Variants in TRPM3 observed in about 807,000 individuals in gnomAD.
The protein encoded by TRPM3 is long transient receptor potential channel 3.
Under a neutral mutation model 181.2 loss-of-function variants are expected in TRPM3, and 77 were observed. That is an observed-to-expected ratio of 0.42 (90% CI 0.35 to 0.51). The LOEUF (loss-of-function observed/expected upper bound fraction) is 0.51. Ranked by LOEUF, TRPM3 falls within the 20% of genes least tolerant of loss-of-function variation. The pLI, the probability that TRPM3 is intolerant of heterozygous loss-of-function variation, is 0.01. For missense variants in TRPM3, 1,759 were observed against 2,196.7 expected (o/e 0.80, Z 3.98); for synonymous variants, 745 against 796.4 (o/e 0.94, Z 1.09).
At position 70,833,892 on chromosome 9, in the gene TRPM3, G is replaced by A. The variant is rs78542297; in HGVS notation, c.802-5874C>T. Among the ~76,000 whole-genome samples the A allele has an allele frequency of 9.9e-3, 1,508 of 152,194 alleles. 32 individuals are homozygous for A. The highest frequency in any genetic ancestry group is 0.035 in the African/African-American group (1,438 of 41,514). ...AGTGGGGGGATTCTCTTAGGATCAC[G>A]CATCTGTTTCTGGGAGGGAAGATGG... On this transcript the variant is annotated intron_variant, in intron 5 of 25. Transcript: ENST00000677713.
intron 6 of TRPM3, among the ~76,000 whole-genome samples, chr9:70,785,667 T>C (rs891660180): frequency 2.0e-5 from 3 of 152,206 alleles, no homozygotes; most frequent in African/African-American, 7.2e-5. Context: ...TAGGATTTGG[T>C]TTCTTGCTCG....
At chr9:70,956,961 C>CTTT (rs747544684) in intron 1 of TRPM3, among the ~76,000 whole-genome samples, 19,656 of 136,790 alleles carry the variant, frequency 0.14, 1,567 homozygotes, top group East Asian at 0.25. Context: ...TTCTTTCTTT[C>CTTT]TTTTTTTTTT....
intron 1 of TRPM3, among the ~76,000 whole-genome samples, chr9:71,224,508 T>G (rs982441065): frequency 3.9e-5 from 6 of 152,158 alleles, no homozygotes; most frequent in Admixed American, 2.0e-4. Context: ...TGAACATCCA[T>G]AAGCATTAAA....
At chr9:71,178,118 C>T (rs1333925055) in intron 1 of TRPM3, among the ~76,000 whole-genome samples, 1 of 151,832 alleles carries the variant, frequency 6.6e-6, no homozygotes, top group Non-Finnish European at 1.5e-5. Flanking sequence ...TATAATAAAC[C>T]TATAAACCGT....
At chr9:70,667,556 A>G (rs1245675724) in intron 9 of TRPM3, among the ~76,000 whole-genome samples, 1 of 152,168 alleles carries the variant, frequency 6.6e-6, no homozygotes, top group Non-Finnish European at 1.5e-5. Flanking sequence ...TACTCTCACT[A>G]GAGAATAAAT....
intron 1 of TRPM3, among the ~76,000 whole-genome samples, chr9:71,386,550 T>A: frequency 6.6e-6 from 1 of 152,142 alleles, no homozygotes; most frequent in East Asian, 1.9e-4. Flanking sequence ...GGCTCTGAAC[T>A]GTCTGTGCAA....
chr9:71,211,414 T>A (rs2079498491), intron 1 of TRPM3, among the ~76,000 whole-genome samples: 1 of 151,950 alleles, frequency 6.6e-6, no homozygotes, highest in South Asian at 2.1e-4. Context: ...GGTCCTGTAC[T>A]AAAGACAGTA....
At chr9:71,131,094 T>C (rs935439748) in intron 1 of TRPM3, among the ~76,000 whole-genome samples, 5 of 152,230 alleles carry the variant, frequency 3.3e-5, no homozygotes, top group Non-Finnish European at 5.9e-5. Context: ...TTTGATAATG[T>C]GACAAATTTG....
At chr9:71,077,830 T>C (rs368751347) in intron 1 of TRPM3, among the ~76,000 whole-genome samples, 6 of 152,224 alleles carry the variant, frequency 3.9e-5, no homozygotes, top group African/African-American at 1.4e-4. Flanking sequence ...GTTGCTAGAT[T>C]CTATGTAAAT....
At chr9:71,141,949 TC>T (rs1477039730) in intron 1 of TRPM3, among the ~76,000 whole-genome samples, 1 of 152,304 alleles carries the variant, frequency 6.6e-6, no homozygotes, top group Non-Finnish European at 1.5e-5. Context: ...CCATAATATA[TC>T]CAAGTTTCTT....
chr9:70,929,822 T>C (rs542506509), intron 1 of TRPM3, among the ~76,000 whole-genome samples: 1 of 152,296 alleles, frequency 6.6e-6, no homozygotes, highest in South Asian at 2.1e-4. Context: ...ACTTTTGCTA[T>C]CCTCCTCCTT....
At chr9:71,432,188 T>G (rs2131613433) in intron 1 of TRPM3, among the ~76,000 whole-genome samples, 1 of 152,300 alleles carries the variant, frequency 6.6e-6, no homozygotes, top group South Asian at 2.1e-4. Context: ...GACCATGATG[T>G]TATCATACCA....
chr9:70,799,594 T>C (rs777632178), intron 6 of TRPM3, among the ~76,000 whole-genome samples: 12 of 152,222 alleles, frequency 7.9e-5, no homozygotes, highest in Admixed American at 7.2e-4. Context: ...TAGCCTCTTG[T>C]CTTTCCTTTA....
rs564697819 is a variant in TRPM3, at chr9:71,387,396, G to C, written c.183+59257C>G. Among the ~76,000 whole-genome samples, 15 of 152,228 alleles carry C rather than the reference G, an allele frequency of 9.9e-5. No homozygotes were observed. In the East Asian group the frequency reaches 2.7e-3, roughly 27 times the overall value. On this transcript the variant is annotated intron_variant, in intron 1 of 24. Transcript: ENST00000357533. ...CTCAGGGAAGGACCTAGTGTTTATA[G>C]AGCCACAGATGTTCAAAAGTGACAG...
chr9:71,403,648 T>C (rs894228517), intron 1 of TRPM3, among the ~76,000 whole-genome samples: 1 of 152,086 alleles, frequency 6.6e-6, no homozygotes, highest in Non-Finnish European at 1.5e-5. Context: ...AAAAAACGTA[T>C]ATGCATAAAG....
chr9:71,418,798 G>C (rs2093677916), intron 1 of TRPM3, among the ~76,000 whole-genome samples: 2 of 78,700 alleles, frequency 2.5e-5, no homozygotes, highest in Non-Finnish European at 5.0e-5. Context: ...CATCCTTTGA[G>C]ATACTATATA....
intron 8 of TRPM3, among the ~76,000 whole-genome samples, chr9:70,696,142 C>A (rs530586217): frequency 5.9e-5 from 9 of 152,312 alleles, no homozygotes; most frequent in African/African-American, 2.2e-4. Flanking sequence ...TCCCCTTAAC[C>A]CAGTAGTATG....
chr9:70,681,111 A>G (rs928804396), intron 9 of TRPM3, among the ~76,000 whole-genome samples: 2 of 152,034 alleles, frequency 1.3e-5, no homozygotes, highest in African/African-American at 4.8e-5. Context: ...TAAGGTATTT[A>G]TTATTGTGTG....
chr9:71,222,881 G>T (rs2080325334), intron 1 of TRPM3, among the ~76,000 whole-genome samples: 1 of 152,170 alleles, frequency 6.6e-6, no homozygotes. Flanking sequence ...ATTGCCCATG[G>T]CAGAGATTGG....
Sources: allele counts gnomAD v4.1 joint callset (sites outside exome capture counted in the v4.1 genomes callset), GRCh38; gene constraint gnomAD v4.1.1; transcripts MANE v1.5; gene names NCBI Gene and HGNC (gene_info 2026-07-23, HGNC 2026-07-21).